Variants in TWSG1 observed in about 807,000 individuals in gnomAD.
TWSG1 encodes twisted gastrulation protein homolog 1.
Under a neutral mutation model 23.0 loss-of-function variants are expected in TWSG1, and 15 were observed. The observed-to-expected ratio is 0.65, with a 90% confidence interval of 0.44 to 1.00. TWSG1 has a LOEUF of 1.00. Ranked by LOEUF, TWSG1 falls within the 50% of genes least tolerant of loss-of-function variation. The pLI is 0.00. For missense variants in TWSG1, 242 were observed against 278.7 expected (o/e 0.87, Z 0.94); for synonymous variants, 86 against 92.8 (o/e 0.93, Z 0.42).
chr18:9,337,854 G>C (rs959326385), intron 2 of TWSG1, among the ~76,000 whole-genome samples: 1 of 152,174 alleles, frequency 6.6e-6, no homozygotes. Flanking sequence ...TAGCCAGGTG[G>C]CTGTGGCTTA....
At chr18:9,336,918 GT>G (rs993516676) in intron 1 of TWSG1, among the ~76,000 whole-genome samples, 44 of 152,190 alleles carry the variant, frequency 2.9e-4, no homozygotes, top group African/African-American at 9.6e-4. Flanking sequence ...TCACTCAAAA[GT>G]TTTTTGAAGG....
At chr18:9,362,945 C>T (rs2040559122) in intron 3 of TWSG1, among the ~76,000 whole-genome samples, 1 of 152,072 alleles carries the variant, frequency 6.6e-6, no homozygotes, top group African/African-American at 2.4e-5. Context: ...CTGAGATATT[C>T]CAGTTCTATT....
chr18:9,389,471 C>T (rs1217575155), intron 3 of TWSG1, among the ~76,000 whole-genome samples: 2 of 152,164 alleles, frequency 1.3e-5, no homozygotes, highest in African/African-American at 2.4e-5. Flanking sequence ...TAATATTGGA[C>T]AAGTCATTTG....
intron 3 of TWSG1, among the ~76,000 whole-genome samples, chr18:9,387,835 T>A (rs1219194273): frequency 6.6e-6 from 1 of 151,876 alleles, no homozygotes; most frequent in Non-Finnish European, 1.5e-5. Context: ...TCTTTCAGTG[T>A]CAATCTGTAA....
chr18:9,351,889 A>G (rs1186633512), intron 2 of TWSG1, among the ~76,000 whole-genome samples: 2 of 152,038 alleles, frequency 1.3e-5, no homozygotes, highest in African/African-American at 4.8e-5. Flanking sequence ...CAAGCAATGC[A>G]TCCACCTTGG....
At chr18:9,395,067 GT>G (rs2040728742) in intron 3 of TWSG1, among the ~76,000 whole-genome samples, 1 of 152,154 alleles carries the variant, frequency 6.6e-6, no homozygotes, top group South Asian at 2.1e-4. Flanking sequence ...TAGTAGTTAT[GT>G]TTCTTCAGAC....
intron 4 of TWSG1, chr18:9,396,936 G>A: frequency 4.7e-6 from 1 of 211,436 alleles, no homozygotes. Context: ...GCGGGCGCCT[G>A]TAGTCCAGCT....
At chr18:9,380,659 GC>G (rs2040652029) in intron 3 of TWSG1, among the ~76,000 whole-genome samples, 1 of 152,194 alleles carries the variant, frequency 6.6e-6, no homozygotes. Context: ...TTTGGATTCA[GC>G]CAGATTGCCT....
chr18:9,382,814 A>C (rs59535308), intron 3 of TWSG1, among the ~76,000 whole-genome samples: 1 of 137,070 alleles, frequency 7.3e-6, no homozygotes, highest in African/African-American at 2.7e-5. Context: ...CTCAAAAAAA[A>C]AAAAACAAAA....
chr18:9,357,651 A>C (rs1327139691), intron 2 of TWSG1, among the ~76,000 whole-genome samples: 1 of 152,224 alleles, frequency 6.6e-6, no homozygotes, highest in Admixed American at 6.5e-5. Flanking sequence ...TCAGATTTTT[A>C]AAATCTTACT....
intron 2 of TWSG1, among the ~76,000 whole-genome samples, chr18:9,338,388 TAA>T (rs2040431895): frequency 6.6e-6 from 1 of 152,196 alleles, no homozygotes; most frequent in Admixed American, 6.5e-5. Flanking sequence ...TTTTCAGGTA[TAA>T]AAGGAGAAGA....
intron 2 of TWSG1, among the ~76,000 whole-genome samples, chr18:9,344,993 A>T (rs922577346): frequency 5.3e-5 from 8 of 152,162 alleles, no homozygotes; most frequent in Non-Finnish European, 1.0e-4. Flanking sequence ...TCCTGGTCTC[A>T]AGTGATCGTC....
chr18:9,385,139 C>G (rs1053875300), intron 3 of TWSG1, among the ~76,000 whole-genome samples: 2 of 152,150 alleles, frequency 1.3e-5, no homozygotes, highest in South Asian at 4.1e-4. Flanking sequence ...GTCTGTAGAA[C>G]AGCTGTATGA....
intron 3 of TWSG1, among the ~76,000 whole-genome samples, chr18:9,373,085 G>C (rs1162972111): frequency 1.3e-5 from 2 of 152,160 alleles, no homozygotes; most frequent in African/African-American, 4.8e-5. Flanking sequence ...AACACTAATC[G>C]AATGTAAGTG....
At position 9,394,808 on chromosome 18, in the gene TWSG1, GT is replaced by G. The variant is rs573684832; in HGVS notation, c.224-1465del. ...CGCACGCACACACATGATCATTCATGTTTTTTTGAATCTTTGCAAAGCAAGC... is the reference window on the plus strand; with the variant it reads ...CGCACGCACACACATGATCATTCATGTTTTTTGAATCTTTGCAAAGCAAGC... On this transcript the variant is annotated intron_variant, in intron 3 of 4. Coordinates refer to ENST00000262120, the MANE Select transcript of TWSG1 (RefSeq NM_020648.6). Among the ~76,000 whole-genome samples the G allele has an allele frequency of 1.3e-4, 20 of 152,192 alleles. No individual in the cohort carries two copies. The East Asian group carries it at 3.7e-3, about 28-fold the overall frequency.
chr18:9,351,676 G>A (rs1456081726), intron 2 of TWSG1, among the ~76,000 whole-genome samples: 9 of 143,282 alleles, frequency 6.3e-5, no homozygotes, highest in African/African-American at 1.6e-4. Flanking sequence ...ACAGAGTCTC[G>A]CTTTGTCACC....
intron 3 of TWSG1, among the ~76,000 whole-genome samples, chr18:9,372,069 T>A (rs764636435): frequency 6.6e-6 from 1 of 152,018 alleles, no homozygotes; most frequent in African/African-American, 2.4e-5. Context: ...CTGGCCAACG[T>A]TTTTATTCTT....
chr18:9,335,077 G>T (rs1191577584), intron 1 of TWSG1, among the ~76,000 whole-genome samples, 157 bp downstream of exon 1: 1 of 151,846 alleles, frequency 6.6e-6, no homozygotes, highest in Non-Finnish European at 1.5e-5. Flanking sequence ...CAAAGTGGGG[G>T]TGCTGGGCGC....
chr18:9,367,079 A>G (rs551632026), intron 3 of TWSG1, among the ~76,000 whole-genome samples: 336 of 152,132 alleles, frequency 2.2e-3, no homozygotes, highest in African/African-American at 7.6e-3. Flanking sequence ...AGCTGGCACT[A>G]TGCTACCACA....
Sources: gnomAD v4.1 joint callset for allele counts (sites outside exome capture counted in the v4.1 genomes callset) on GRCh38, gnomAD v4.1.1 for gene constraint, MANE v1.5 for transcripts, NCBI Gene and HGNC (gene_info 2026-07-23, HGNC 2026-07-21) for gene names.